The following SGCZ variants were observed in gnomAD, a reference collection of about 807,000 sequenced individuals.
SGCZ encodes zeta-sarcoglycan.
In SGCZ, 40 loss-of-function variants were observed where a neutral mutation model predicts 41.3. The ratio of observed to expected loss-of-function variants is 0.97; its 90% CI spans 0.75 to 1.26. The LOEUF (loss-of-function observed/expected upper bound fraction) is 1.26, where lower values mean the gene tolerates loss of function less well. Ranked by LOEUF, SGCZ falls within the 50% of genes most tolerant of loss-of-function variation. The pLI is 0.00. For synonymous variants in SGCZ, 206 were observed against 137.5 expected (o/e 1.50, Z -3.49); for missense variants, 552 against 369.8 (o/e 1.49, Z -4.04).
At chr8:14,589,821 T>A (rs1389030230) in intron 1 of SGCZ, among the ~76,000 whole-genome samples, 2 of 152,152 alleles carry the variant, frequency 1.3e-5, no homozygotes, top group African/African-American at 4.8e-5. Context: ...TTTCGTTTTA[T>A]GTATGTGGAA....
rs537153127 is a variant in SGCZ, at chr8:14,402,382, G to C, written c.235-78178C>G. 4.0e-5 allele frequency among the ~76,000 whole-genome samples: 6 copies of C among 151,872 alleles called. No homozygotes were observed. In the East Asian group the frequency reaches 1.2e-3, roughly 29 times the overall value. On this transcript the variant is annotated intron_variant, in intron 2 of 7. Coordinates refer to ENST00000382080, the MANE Select transcript of SGCZ (RefSeq NM_139167.4). ...CTTGCCCATGCCTATGTCCTGAATG[G>C]TAATGCCTAGGTTTTCTTCTAGGAT...
intron 1 of SGCZ, among the ~76,000 whole-genome samples, chr8:15,135,965 A>T (rs1179834586): frequency 6.6e-6 from 1 of 152,184 alleles, no homozygotes; most frequent in Non-Finnish European, 1.5e-5. Context: ...GATTATGCAG[A>T]ACTTTCTTTT....
chr8:15,169,214 C>T (rs369248424), intron 1 of SGCZ, among the ~76,000 whole-genome samples: 1 of 152,268 alleles, frequency 6.6e-6, no homozygotes, highest in Non-Finnish European at 1.5e-5. Context: ...TGGTCTTCGC[C>T]CTTATCCCTA....
intron 1 of SGCZ, among the ~76,000 whole-genome samples, chr8:15,158,970 A>G (rs751666613): frequency 6.6e-6 from 1 of 152,190 alleles, no homozygotes; most frequent in East Asian, 1.9e-4. Flanking sequence ...AATCCTTAAA[A>G]TCTCCAAAGT....
At chr8:14,738,081 G>C (rs920153424) in intron 1 of SGCZ, among the ~76,000 whole-genome samples, 7 of 152,060 alleles carry the variant, frequency 4.6e-5, no homozygotes, top group African/African-American at 1.7e-4. Flanking sequence ...TCTCCATACT[G>C]GTGACAGCCA....
chr8:15,174,244 T>A (rs1005777681), intron 1 of SGCZ, among the ~76,000 whole-genome samples: 1 of 152,148 alleles, frequency 6.6e-6, no homozygotes, highest in Non-Finnish European at 1.5e-5. Context: ...TCATGTAGGG[T>A]AGGTGATGTA....
intron 1 of SGCZ, among the ~76,000 whole-genome samples, chr8:14,997,247 T>G (rs1236752636): frequency 6.6e-6 from 1 of 152,250 alleles, no homozygotes. Context: ...TCCTTTAAAA[T>G]TATTAGGATT....
chr8:14,554,947 A>G (rs1803988073), intron 1 of SGCZ, 21 bp from the exon 2 acceptor site: 3 of 1,522,538 alleles, frequency 2.0e-6, no homozygotes, highest in Non-Finnish European at 2.6e-6. Context: ...AAAAAGAAAG[A>G]AAGAGAAAGA....
At chr8:14,827,845 A>AACAC (rs142931389) in intron 1 of SGCZ, among the ~76,000 whole-genome samples, 7 of 151,086 alleles carry the variant, frequency 4.6e-5, no homozygotes, top group South Asian at 2.1e-4. Flanking sequence ...CACATTAATA[A>AACAC]ACACACACAC....
intron 1 of SGCZ, among the ~76,000 whole-genome samples, chr8:14,984,082 T>G (rs913244617): frequency 4.6e-5 from 7 of 152,160 alleles, no homozygotes; most frequent in African/African-American, 1.4e-4. Context: ...AAAGACATCT[T>G]TACTCTTTTA....
intron 1 of SGCZ, among the ~76,000 whole-genome samples, chr8:14,911,755 C>G (rs1799286515): frequency 6.6e-6 from 1 of 151,686 alleles, no homozygotes; most frequent in Non-Finnish European, 1.5e-5. Flanking sequence ...ATATGATTAC[C>G]ATTTTTACCT....
At chr8:14,189,783 C>T (rs1056353646) in intron 4 of SGCZ, among the ~76,000 whole-genome samples, 3 of 152,076 alleles carry the variant, frequency 2.0e-5, no homozygotes, top group Non-Finnish European at 4.4e-5. Flanking sequence ...GTTTGCTTGG[C>T]TATTTTTGAA....
chr8:14,835,749 T>G (rs1273101028), intron 1 of SGCZ, among the ~76,000 whole-genome samples: 1 of 152,216 alleles, frequency 6.6e-6, no homozygotes, highest in Non-Finnish European at 1.5e-5. Context: ...GCTGTGTGAA[T>G]GTATTTACAT....
chr8:14,851,212 A>G (rs2130653638), intron 1 of SGCZ, among the ~76,000 whole-genome samples: 1 of 152,022 alleles, frequency 6.6e-6, no homozygotes, highest in Admixed American at 6.6e-5. Context: ...TACTAAAAAT[A>G]CAAAAAATTA....
chr8:14,971,794 C>T (rs900164502), intron 1 of SGCZ, among the ~76,000 whole-genome samples: 1 of 151,670 alleles, frequency 6.6e-6, no homozygotes, highest in African/African-American at 2.4e-5. Context: ...GGACCACAGG[C>T]GCATGCCACA....
intron 1 of SGCZ, among the ~76,000 whole-genome samples, chr8:14,845,159 C>CA (rs1400981066): frequency 6.6e-6 from 1 of 152,148 alleles, no homozygotes; most frequent in Non-Finnish European, 1.5e-5. Context: ...TGGTGCCCAG[C>CA]ACTCACACTG....
At chr8:14,357,897 C>G (rs1453695525) in intron 2 of SGCZ, among the ~76,000 whole-genome samples, 1 of 152,180 alleles carries the variant, frequency 6.6e-6, no homozygotes, top group Non-Finnish European at 1.5e-5. Context: ...TAATAATCAG[C>G]TAAATGCTAG....
intron 1 of SGCZ, among the ~76,000 whole-genome samples, chr8:14,802,073 G>C (rs1801337486): frequency 6.6e-6 from 1 of 152,180 alleles, no homozygotes; most frequent in Non-Finnish European, 1.5e-5. Context: ...AGAGAAAAGA[G>C]CATGTTGGAA....
chr8:14,608,833 T>G (rs531631031), intron 1 of SGCZ, among the ~76,000 whole-genome samples: 29 of 152,224 alleles, frequency 1.9e-4, no homozygotes, highest in African/African-American at 6.7e-4. Context: ...AGTGTATCAT[T>G]TTAAGCTTTT....
Sources: gnomAD v4.1 joint callset for allele counts (sites outside exome capture counted in the v4.1 genomes callset) on GRCh38, gnomAD v4.1.1 for gene constraint, MANE v1.5 for transcripts, NCBI Gene and HGNC (gene_info 2026-07-23, HGNC 2026-07-21) for gene names.